The following TMC6 variants were observed in gnomAD, a reference collection of about 807,000 sequenced individuals.
The protein encoded by TMC6 is transmembrane channel like 6.
A neutral mutation model predicts 95.4 loss-of-function variants in TMC6; 71 were observed. The observed-to-expected ratio is 0.74, with a 90% CI of 0.61 to 0.91. TMC6 has a LOEUF of 0.91. Ranked by LOEUF, TMC6 falls within the 40% of genes least tolerant of loss-of-function variation. The pLI, the probability that TMC6 is intolerant of heterozygous loss-of-function variation, is 0.00. For missense variants in TMC6, 1,074 were observed against 1,079.1 expected (o/e 1.00, Z 0.07); for synonymous variants, 514 against 483.1 (o/e 1.06, Z -0.84).
upstream of TMC6, chr17:78,131,653 GGGA>G (rs1157694715): frequency 1.1e-5 from 17 of 1,563,560 alleles, no homozygotes; most frequent in Non-Finnish European, 1.5e-5. Context: ...GAGGAGCTGT[GGGA>G]GGCAGAGATG....
intron 18 of TMC6, among the ~76,000 whole-genome samples, chr17:78,115,681 G>GACCAGCT (rs1360471906): frequency 4.8e-5 from 4 of 83,336 alleles, no homozygotes; most frequent in Admixed American, 1.1e-4. Context: ...TGGGCACAGG[G>GACCAGCT]GCGAAGGGAG....
chr17:78,123,790 T>C lies in TMC6; in HGVS notation c.1082+199A>G, dbSNP rs111258900. 8.2e-3 allele frequency among the ~76,000 whole-genome samples: 1,231 copies of C among 149,788 alleles called. 12 individuals carry two copies. The highest frequency in any genetic ancestry group is 0.029 in the African/African-American group (1,156 of 40,290). ...GTGGGTGGATGGGTGGGTGGATGGA[T>C]GAATGGGTGGATGGGTGGGTAGGTA... On this transcript the variant is annotated intron_variant, in intron 9 of 19. Transcript: ENST00000590602.
At position 78,117,657 on chromosome 17, in the gene TMC6, C is replaced by T; in HGVS notation, c.2022-13G>A. ...CGAGGGCTTCACCCTGGGGAAGATG[C>T]CGACCAGGAACCCTCACCCCGAGCA... On this transcript the variant is annotated splice_polypyrimidine_tract_variant and intron_variant, in intron 16 of 19. Transcript: ENST00000590602. 6.4e-7 allele frequency: 1 copy of T among 1,561,440 alleles called. No homozygotes were observed. Among genetic ancestry groups the T allele is most frequent in the Middle Eastern group, 2.2e-4 (1 of 4,590 alleles).
At chr17:78,114,038 C>A in intron 18 of TMC6, 1 of 317,086 alleles carries the variant, frequency 3.2e-6, no homozygotes, top group South Asian at 2.7e-5. Flanking sequence ...CTGTCATCAA[C>A]TTCGTGGCTT....
rs564531122 is a variant in TMC6 at position 78,117,316 on chromosome 17, G to A, written c.2230C>T (p.Arg744Trp). The A allele has an allele frequency of 6.0e-5, 96 of 1,613,366 alleles. No homozygotes were observed. Among genetic ancestry groups the A allele is most frequent in the African/African-American group, 2.8e-4 (21 of 74,968 alleles). The change falls in exon 18 of 20, where the codon CGG (arginine) becomes TGG (tryptophan). Residue 744 changes from arginine (R) to tryptophan (W), a missense_variant. Arg to Trp is a moderately radical substitution (Grantham distance 101). Transcript: ENST00000590602. Reference protein sequence around the residue: ...AVIYLNIQVVRGQRKVICLLK... With the variant: ...AVIYLNIQVVWGQRKVICLLK... ...AGGCAGATGACCTTGCGCTGGCCCCGCACCACCTGGATGTTGAGGTAGATC... is the reference window on the plus strand; with the variant it reads ...AGGCAGATGACCTTGCGCTGGCCCCACACCACCTGGATGTTGAGGTAGATC...
chr17:78,124,654 G>C lies in TMC6; in HGVS notation c.761C>G (p.Thr254Ser). Residue 254 changes from threonine to serine, a missense_variant, in exon 8 of 20, where the codon ACC (threonine) becomes AGC (serine). Transcript: ENST00000590602. ...CAGGAGGGCATTGAAAGCCAGCAGG[G>C]TCTTGAGAAAGAGGAAGTAGGAGAG... ...SVLSYFLFLK[T>S]LLAFNALLLL... 6.2e-7 allele frequency: 1 copy of C among 1,611,648 alleles called. No individual in the cohort carries two copies. The highest frequency in any genetic ancestry group is 1.1e-5 in the South Asian group (1 of 90,900).
Position 78,117,306 on chromosome 17 carries a change from C to A in TMC6, c.2240G>T (p.Arg747Leu), listed in dbSNP as rs754324709. The change falls in exon 18 of 20, where the codon CGC becomes CTC. Residue 747 changes from arginine to leucine, a missense_variant. Coordinates refer to ENST00000590602, the MANE Select transcript of TMC6 (RefSeq NM_001127198.5). ...YLNIQVVRGQ[R>L]KVICLLKEQI... ...CTCCTTGAGCAGGCAGATGACCTTG[C>A]GCTGGCCCCGCACCACCTGGATGTT... The A allele has an allele frequency of 2.5e-6, 4 of 1,613,436 alleles. No individual in the cohort carries two copies. Among genetic ancestry groups the A allele is most frequent in the East Asian group, 4.5e-5 (2 of 44,854 alleles).
At position 78,109,743 on chromosome 17, in the gene TMC6, C is replaced by T. The variant is rs2073787918; in HGVS notation, c.*3405G>A. 5.7e-6 allele frequency: 2 copies of T among 350,572 alleles called. No individual in the cohort carries two copies. The highest frequency in any genetic ancestry group is 2.1e-5 in the African/African-American group (1 of 46,604). 21.7% of individuals were successfully genotyped at this position (350,572 alleles called of 1,614,324 possible). A position where few individuals can be genotyped will look rare whatever the true frequency, so the allele number is the denominator to read the frequency against. ...CCAGAGCAGGGGTTCTCAACCTTGG[C>T]CCATTAGAATTACCTGAAAATTTTT... On this transcript the variant is annotated 3_prime_UTR_variant, in exon 20 of 20. Coordinates refer to ENST00000590602, the MANE Select transcript of TMC6 (RefSeq NM_001127198.5).
chr17:78,114,933 C>T (rs549762938), intron 18 of TMC6, among the ~76,000 whole-genome samples: 3 of 150,298 alleles, frequency 2.0e-5, no homozygotes, highest in Non-Finnish European at 4.4e-5. Flanking sequence ...AGCTGGGATT[C>T]TCCCAGCACC....
intron 18 of TMC6, among the ~76,000 whole-genome samples, chr17:78,116,938 G>A (rs1023422818): frequency 7.9e-5 from 12 of 152,186 alleles, no homozygotes; most frequent in Non-Finnish European, 1.6e-4. Flanking sequence ...TGTAAAATGA[G>A]TGAAGAGTCC....
At position 78,124,776 on chromosome 17, in the gene TMC6, C is replaced by T. The variant is rs1210379753; in HGVS notation, c.639G>A (p.Leu213=). 3 of 1,581,804 alleles carry T rather than the reference C, an allele frequency of 1.9e-6. No homozygotes were observed. The highest frequency in any genetic ancestry group is 1.3e-5 in the African/African-American group (1 of 74,444). Residue 213 remains leucine (L), a synonymous_variant, in exon 8 of 20, where the codon TTG becomes TTA. Transcript: ENST00000590602. Reference sequence around the variant, plus strand: ...AGAGCAGCGCCAGGCCCAGGCTGTGCAAGGCCTGCGGGCACAGGCAGAGAG... The same window carrying T: ...AGAGCAGCGCCAGGCCCAGGCTGTGTAAGGCCTGCGGGCACAGGCAGAGAG... ...GRLRYACVLA[L]HSLGLALLSA... is the part of the protein sequence containing the mutation.
intron 18 of TMC6, among the ~76,000 whole-genome samples, chr17:78,115,614 G>GAGGAGCGAAGGGAGTGGGTAC (rs2074037648): frequency 7.1e-6 from 1 of 140,190 alleles, no homozygotes; most frequent in Admixed American, 6.9e-5. Context: ...CCTGGGCAGA[G>GAGGAGCGAAGGGAGTGGGTAC]AGGAGCGAAG....
At chr17:78,131,484 G>C, upstream of TMC6, 1 of 1,471,754 alleles carries the variant, frequency 6.8e-7, no homozygotes, top group South Asian at 1.2e-5. Context: ...CCCCAGCCCA[G>C]CGTGCACAGA....
upstream of TMC6, among the ~76,000 whole-genome samples, chr17:78,130,277 C>A (rs2074928104): frequency 6.6e-6 from 1 of 152,156 alleles, no homozygotes; most frequent in Admixed American, 6.5e-5. Flanking sequence ...GGAAACCCAG[C>A]AGCCAGGTTC....
In TMC6 at chr17:78,122,788, TGACG is replaced by T. The variant is rs2074482281; in HGVS notation, c.1083-43_1083-40del. On this transcript the variant is annotated intron_variant, in intron 9 of 19. Transcript: ENST00000590602. This position sits in a 1 kb window ranked among gnomAD's most constrained non-coding sequence, Gnocchi z 4.9. ...GACACAGACATGGCAACCAACAAGC[TGACG>T]GGCAGAGGCCAAGGGGAGAAGGCAG... 4 of 1,598,650 alleles carry T rather than the reference TGACG, an allele frequency of 2.5e-6. No individual in the cohort carries two copies. The highest frequency in any genetic ancestry group is 3.4e-6 in the Non-Finnish European group (4 of 1,175,496).
chr17:78,127,038 C>G, intron 1 of TMC6, 132 bp from the exon 2 acceptor site: 1 of 649,696 alleles, frequency 1.5e-6, no homozygotes, highest in South Asian at 1.8e-5. Context: ...CCTATCACCC[C>G]AGGTACATAA....
At chr17:78,131,333 T>G (rs993271838), upstream of TMC6, 3 of 585,954 alleles carry the variant, frequency 5.1e-6, no homozygotes, top group African/African-American at 3.8e-5. Context: ...GGAGCGGGGC[T>G]GGGCCCGAAT....
Position 78,112,966 on chromosome 17 carries a change from G to A in TMC6, c.*182C>T, listed in dbSNP as rs2073866525. 2 of 660,660 alleles carry A rather than the reference G, an allele frequency of 3.0e-6. No homozygotes were observed. The highest frequency in any genetic ancestry group is 1.8e-5 in the African/African-American group (1 of 55,674). The allele number at this position is 660,660 out of a possible 1,614,324, so 40.9% of individuals were successfully genotyped here. ...CAGAATAAATAGAGTCCCAGGCAGG[G>A]CAGAGTTCATTGGGGATGCCCAAGC... On this transcript the variant is annotated 3_prime_UTR_variant, in exon 20 of 20. Transcript: ENST00000590602.
chr17:78,114,895 C>A (rs972776004), intron 18 of TMC6, among the ~76,000 whole-genome samples: 3 of 151,652 alleles, frequency 2.0e-5, no homozygotes, highest in Non-Finnish European at 4.4e-5. Flanking sequence ...GAGAAAGGTC[C>A]TTCCCATCCC....
Sources: gnomAD v4.1 joint callset for allele counts (sites outside exome capture counted in the v4.1 genomes callset) on GRCh38, gnomAD v4.1.1 for gene constraint, Gnocchi (gnomAD v3.1) non-coding constraint, MANE v1.5 for transcripts, NCBI Gene and HGNC (gene_info 2026-07-23, HGNC 2026-07-21) for gene names.